The following SH3TC2 variants were observed in gnomAD, a reference collection of about 807,000 sequenced individuals.
SH3TC2 encodes SH3 domain and tetratricopeptide repeats 2, also known as SH3 domain and tetratricopeptide repeat-containing protein 2.
In SH3TC2, 87 loss-of-function variants were observed where a neutral mutation model predicts 124.5. The ratio of observed to expected loss-of-function variants is 0.70; its 90% CI spans 0.59 to 0.84. The LOEUF is 0.84. SH3TC2 is among the 40% of genes least tolerant of loss of function. The pLI, the probability that SH3TC2 is intolerant of heterozygous loss-of-function variation, is 0.00. For missense variants in SH3TC2, 1,536 were observed against 1,566.4 expected, an observed-to-expected ratio of 0.98 and a Z score of 0.33; for synonymous variants, 634 against 628.5, an observed-to-expected ratio of 1.01 and a Z score of -0.13.
Position 148,987,333 on chromosome 5 carries a change from T to C in SH3TC2, c.*17378A>G, listed in dbSNP as rs1753348503. Among the ~76,000 whole-genome samples, 1 of 152,194 alleles carries C rather than the reference T, an allele frequency of 6.6e-6. No homozygotes were observed. The highest frequency in any genetic ancestry group is 2.4e-5 in the African/African-American group (1 of 41,438). ...GCCAAGAGGACAAGAACTTTATAAG[T>C]TTTTTTCATTGATCTATTGCTACAG... On this transcript the variant is annotated 3_prime_UTR_variant, in exon 17 of 17. Transcript: ENST00000515425.
rs1028405280 is a variant in SH3TC2, at chr5:149,000,652, C to T, written c.*4059G>A. On this transcript the variant is annotated 3_prime_UTR_variant, in exon 17 of 17. Transcript: ENST00000515425. ...ATAAATGCATGCATACATACACACACGTGTACATATACACACACAACTGTG... is the reference window on the plus strand; with the variant it reads ...ATAAATGCATGCATACATACACACATGTGTACATATACACACACAACTGTG... Among the ~76,000 whole-genome samples, 6 of 152,120 alleles carry T rather than the reference C, an allele frequency of 3.9e-5. No homozygotes were observed. Among genetic ancestry groups the T allele is most frequent in the African/African-American group, 1.4e-4 (6 of 41,408 alleles).
intron 7 of SH3TC2, among the ~76,000 whole-genome samples, chr5:149,038,823 T>C (rs1754325252): frequency 6.6e-6 from 1 of 152,202 alleles, no homozygotes; most frequent in African/African-American, 2.4e-5. Flanking sequence ...GCTCACTGTA[T>C]TGTCCTGGTT....
intron 1 of SH3TC2, among the ~76,000 whole-genome samples, chr5:149,061,735 G>A (rs965180124): frequency 2.0e-5 from 3 of 152,132 alleles, no homozygotes; most frequent in Non-Finnish European, 4.4e-5. Flanking sequence ...CTAGAACCCC[G>A]ATCTCCGACC....
intron 1 of SH3TC2, chr5:149,057,592 T>C (rs552841061): frequency 6.6e-6 from 1 of 152,346 alleles, no homozygotes; most frequent in South Asian, 2.1e-4. Context: ...ATGTCATCCT[T>C]GCACAGGGGC....
In SH3TC2 at chr5:149,047,873, T is replaced by C; in HGVS notation, c.268A>G (p.Met90Val). The change falls in exon 3 of 17, where the codon ATG becomes GTG. Residue 90 changes from methionine (M) to valine (V), a missense_variant. Met to Val is a conservative substitution (Grantham distance 21). Coordinates refer to ENST00000515425, the MANE Select transcript of SH3TC2 (RefSeq NM_024577.4). ...ALENEDQEVRMLFKDLSARLV... is the reference protein window; with the variant it reads ...ALENEDQEVRVLFKDLSARLV... Reference sequence around the variant, plus strand: ...TCCTTCATGCTCACCTTAAACAGCATGCGCACCTCCTGGTCCTCATTCTCC... The same window carrying C: ...TCCTTCATGCTCACCTTAAACAGCACGCGCACCTCCTGGTCCTCATTCTCC... 1.2e-6 allele frequency: 2 copies of C among 1,614,132 alleles called. No individual in the cohort carries two copies. The highest frequency in any genetic ancestry group is 1.7e-6 in the Non-Finnish European group (2 of 1,179,998).
intron 1 of SH3TC2, among the ~76,000 whole-genome samples, chr5:149,059,963 C>G: frequency 6.6e-6 from 1 of 152,172 alleles, no homozygotes; most frequent in East Asian, 1.9e-4. Context: ...CTAATATCCT[C>G]TATTATCAGT....
Position 149,038,464 on chromosome 5 carries a change from C to G in SH3TC2, c.832G>C (p.Gly278Arg), listed in dbSNP as rs1204913371. Residue 278 changes from glycine to arginine, a missense_variant, in exon 8 of 17, where the codon GGT becomes CGT. Transcript: ENST00000515425. ...IGRGRCKALTGYEPGEKDELN... is the reference protein window; with the variant it reads ...IGRGRCKALTRYEPGEKDELN... ...TCATCCTTTTCTCCTGGCTCATAAC[C>G]CGTCAAGGCCTTACAGCGTCCTCTG... The G allele has an allele frequency of 6.2e-7, 1 of 1,613,956 alleles. No individual in the cohort carries two copies. Among genetic ancestry groups the G allele is most frequent in the Non-Finnish European group, 8.5e-7 (1 of 1,179,952 alleles).
At chr5:149,022,483 G>A (rs1229724780) in intron 12 of SH3TC2, among the ~76,000 whole-genome samples, 1 of 152,134 alleles carries the variant, frequency 6.6e-6, no homozygotes, top group African/African-American at 2.4e-5. Context: ...CAACCTAGCA[G>A]TTCCCCAAAA....
intron 1 of SH3TC2, among the ~76,000 whole-genome samples, chr5:149,058,117 T>C (rs1754682802): frequency 6.6e-6 from 1 of 152,210 alleles, no homozygotes; most frequent in Non-Finnish European, 1.5e-5. Context: ...CACCTTGATT[T>C]AGCAATATCT....
At chr5:149,054,177 GT>G (rs2127403942) in intron 1 of SH3TC2, among the ~76,000 whole-genome samples, 1 of 151,928 alleles carries the variant, frequency 6.6e-6, no homozygotes, top group Non-Finnish European at 1.5e-5. Flanking sequence ...CACCTAATAT[GT>G]ACCCACAAAA....
chr5:149,048,144 G>C, intron 2 of SH3TC2, 155 bp from the exon 3 acceptor site: 1 of 1,021,442 alleles, frequency 9.8e-7, no homozygotes, highest in East Asian at 2.7e-5. Flanking sequence ...ACTTCTCGGA[G>C]CACTCCTTTA....
intron 2 of SH3TC2, among the ~76,000 whole-genome samples, chr5:149,051,553 G>A (rs1277862602): frequency 2.0e-5 from 3 of 152,102 alleles, no homozygotes; most frequent in African/African-American, 7.2e-5. Context: ...CCAGGCTCAG[G>A]CAGTCCTCCC....
At chr5:149,040,552 G>C (rs1054466907) in intron 7 of SH3TC2, 52 bp downstream of exon 7, 3 of 1,511,392 alleles carry the variant, frequency 2.0e-6, no homozygotes, top group Non-Finnish European at 1.8e-6. Flanking sequence ...AAAATTGAGA[G>C]GCAGGACAAC....
Position 148,985,128 on chromosome 5 carries a change from G to T in SH3TC2, c.*19583C>A, listed in dbSNP as rs1753312588. On this transcript the variant is annotated 3_prime_UTR_variant, in exon 17 of 17. Transcript: ENST00000515425. ...TCCTCAGAAAACAAACACTGAATAA[G>T]AATGAGCTACTTTTCTGGAAAAAAA... Among the ~76,000 whole-genome samples the T allele has an allele frequency of 7.6e-6, 1 of 131,648 alleles. No homozygotes were observed. Among genetic ancestry groups the T allele is most frequent in the Admixed American group, 7.8e-5 (1 of 12,748 alleles). 86.4% of individuals were successfully genotyped at this position (131,648 alleles called of 152,430 possible).
intron 3 of SH3TC2, chr5:149,046,499 T>G (rs971103085): frequency 6.6e-6 from 1 of 152,218 alleles, no homozygotes; most frequent in African/African-American, 2.4e-5. Flanking sequence ...AAAATAACAG[T>G]GCATTTTATA....
At chr5:149,032,906 C>T (rs192580398) in intron 8 of SH3TC2, among the ~76,000 whole-genome samples, 1 of 152,140 alleles carries the variant, frequency 6.6e-6, no homozygotes, top group African/African-American at 2.4e-5. Flanking sequence ...CCCAACACCA[C>T]GGAAGCTTCT....
rs984152452 is a variant in SH3TC2 at position 149,056,214 on chromosome 5, A to G, written c.53-3974T>C. ...ATACAGATTATTTCATCAGCCAGGT[A>G]TGAAGCTCAGTACCCAATAGTGATC... On this transcript the variant is annotated intron_variant, in intron 1 of 16. Coordinates refer to ENST00000515425, the MANE Select transcript of SH3TC2 (RefSeq NM_024577.4). Among the ~76,000 whole-genome samples the G allele has an allele frequency of 2.0e-5, 3 of 152,224 alleles. No individual in the cohort carries two copies. The East Asian group carries it at 5.8e-4, about 29-fold the overall frequency.
chr5:149,022,701 C>T (rs971447184), intron 12 of SH3TC2, among the ~76,000 whole-genome samples: 3 of 152,108 alleles, frequency 2.0e-5, no homozygotes, highest in African/African-American at 4.8e-5. Flanking sequence ...AAATATTATT[C>T]GGCCATAAAA....
Position 149,028,259 on chromosome 5 carries a change from G to A in SH3TC2, c.1473C>T (p.Phe491=), listed in dbSNP as rs144016931. Residue 491 remains phenylalanine, a synonymous_variant, in exon 11 of 17, where the codon TTC becomes TTT. Coordinates refer to ENST00000515425, the MANE Select transcript of SH3TC2 (RefSeq NM_024577.4). Reference sequence around the variant, plus strand: ...TATAAAAGGAAGAAGTGAGGAAAGAGAAGGAGAAGTCATAGAGACTCTTAA... The same window carrying A: ...TATAAAAGGAAGAAGTGAGGAAAGAAAAGGAGAAGTCATAGAGACTCTTAA... ...DHFKSLYDFS[F]SFLTSSFYSF... is the part of the protein sequence containing the mutation. The A allele has an allele frequency of 3.4e-4, 556 of 1,614,018 alleles. 4 individuals are homozygous for A. The African/African-American group carries it at 6.8e-3, about 20-fold the overall frequency.
Sources: allele counts gnomAD v4.1 joint callset (sites outside exome capture counted in the v4.1 genomes callset), GRCh38; gene constraint gnomAD v4.1.1; transcripts MANE v1.5; gene names NCBI Gene and HGNC (gene_info 2026-07-23, HGNC 2026-07-21).